The following LRRTM4 variants were observed in gnomAD, a reference collection of about 807,000 sequenced individuals.
LRRTM4 encodes leucine rich repeat transmembrane neuronal 4.
A neutral mutation model predicts 47.6 loss-of-function variants in LRRTM4; 25 were observed. The ratio of observed to expected loss-of-function variants is 0.53; its 90% CI spans 0.38 to 0.73. The LOEUF (loss-of-function observed/expected upper bound fraction) is 0.73, where lower values mean the gene tolerates loss of function less well. Among genes scored for constraint, LRRTM4 ranks in the 30% least tolerant of loss-of-function variants. The pLI is 0.00. For synonymous variants in LRRTM4, 311 were observed against 269.5 expected (o/e 1.15, Z -1.51); for missense variants, 638 against 713.4 (o/e 0.89, Z 1.20).
chr2:76,904,745 A>C (rs1415450581), intron 3 of LRRTM4, among the ~76,000 whole-genome samples: 1 of 152,222 alleles, frequency 6.6e-6, no homozygotes, highest in East Asian at 1.9e-4. Context: ...TTTGTATGCC[A>C]GAGCAACATC....
intron 3 of LRRTM4, among the ~76,000 whole-genome samples, chr2:76,952,518 T>C (rs963819472): frequency 8.5e-5 from 13 of 152,052 alleles, no homozygotes; most frequent in African/African-American, 2.9e-4. Context: ...AGAATGGCTA[T>C]TAATAAAACG....
chr2:77,051,960 A>AT (rs1230382287), intron 3 of LRRTM4, among the ~76,000 whole-genome samples: 1 of 152,032 alleles, frequency 6.6e-6, no homozygotes, highest in African/African-American at 2.4e-5. Context: ...TTTCATTTCC[A>AT]TTTTATCCTT....
At chr2:77,147,988 C>A (rs750243951) in intron 3 of LRRTM4, among the ~76,000 whole-genome samples, 1 of 152,002 alleles carries the variant, frequency 6.6e-6, no homozygotes, top group Non-Finnish European at 1.5e-5. Flanking sequence ...ATTTACTATC[C>A]ATAATGGAAA....
At chr2:76,812,774 C>CCTTCTCCTCCTCCTCTCCCTT (rs1670779232) in intron 3 of LRRTM4, among the ~76,000 whole-genome samples, 1 of 86,660 alleles carries the variant, frequency 1.2e-5, no homozygotes, top group African/African-American at 6.8e-5. Context: ...TCCTCTCCCT[C>CCTTCTCCTCCTCCTCTCCCTT]CCCCTCCTCC....
chr2:77,010,501 T>TAC (rs34456976), intron 3 of LRRTM4, among the ~76,000 whole-genome samples: 9,580 of 139,602 alleles, frequency 0.069, 365 homozygotes, highest in Non-Finnish European at 0.082. Flanking sequence ...TTGTATTGTT[T>TAC]ACACACACAC....
At chr2:76,826,462 G>C (rs1187923830) in intron 3 of LRRTM4, among the ~76,000 whole-genome samples, 3 of 151,468 alleles carry the variant, frequency 2.0e-5, no homozygotes, top group African/African-American at 7.3e-5. Flanking sequence ...CAACACTGAG[G>C]TACTCCCTAA....
chr2:77,290,043 A>C (rs966146836), intron 3 of LRRTM4, among the ~76,000 whole-genome samples: 3 of 151,974 alleles, frequency 2.0e-5, no homozygotes, highest in Non-Finnish European at 4.4e-5. Context: ...TTTATAAGCA[A>C]TCAAATATTT....
chr2:76,991,159 A>C (rs1033890276), intron 3 of LRRTM4, among the ~76,000 whole-genome samples: 1 of 151,776 alleles, frequency 6.6e-6, no homozygotes, highest in East Asian at 1.9e-4. Context: ...TTAAGAGCAA[A>C]ATTTTTAGTC....
intron 3 of LRRTM4, among the ~76,000 whole-genome samples, chr2:76,958,538 C>T (rs76906062): frequency 0.037 from 5,668 of 151,740 alleles, 237 homozygotes; most frequent in East Asian, 0.14. Context: ...AAAAAGTAAA[C>T]AGCATCCATT....
At chr2:77,007,573 G>A (rs1378821103) in intron 3 of LRRTM4, among the ~76,000 whole-genome samples, 1 of 152,116 alleles carries the variant, frequency 6.6e-6, no homozygotes, top group Non-Finnish European at 1.5e-5. Context: ...CTGCCATAGT[G>A]CTTTTGCTGT....
At chr2:77,163,344 C>T (rs180811605) in intron 3 of LRRTM4, among the ~76,000 whole-genome samples, 26 of 152,264 alleles carry the variant, frequency 1.7e-4, no homozygotes, top group East Asian at 1.5e-3. Flanking sequence ...AACAAATCTA[C>T]GTCTGATTGG....
At chr2:77,209,331 T>A (rs1674228035) in intron 3 of LRRTM4, among the ~76,000 whole-genome samples, 1 of 151,964 alleles carries the variant, frequency 6.6e-6, no homozygotes, top group Non-Finnish European at 1.5e-5. Flanking sequence ...TGGGGAAAGT[T>A]ACAAAGGTGA....
In LRRTM4 at chr2:77,226,124, T is replaced by C. The variant is rs537112191; in HGVS notation, c.1551+292194A>G. ...ATGGATAATATGTTTATGTGTTATG[T>C]ATAATTTAGAAAACCCTAAAAATCA... On this transcript the variant is annotated intron_variant, in intron 3 of 3. Transcript: ENST00000409884. Among the ~76,000 whole-genome samples the C allele has an allele frequency of 1.7e-3, 257 of 151,930 alleles. 1 individual carries two copies. The highest frequency in any genetic ancestry group is 6.0e-3 in the African/African-American group (248 of 41,548).
In LRRTM4 at chr2:77,043,911, AT is replaced by A. The variant is rs200387608; in HGVS notation, c.1552-294996del. ...TTGCAGCCCATAAACAGGTAAAAAC[AT>A]TTTTTTTTTTACCCACATACTAGAA... On this transcript the variant is annotated intron_variant, in intron 3 of 3. Coordinates refer to ENST00000409884, the MANE Select transcript of LRRTM4 (RefSeq NM_001134745.3). Among the ~76,000 whole-genome samples, 161 of 147,556 alleles carry A rather than the reference AT, an allele frequency of 1.1e-3. 1 individual carries two copies. In the East Asian group the frequency reaches 0.016, roughly 15 times the overall value.
chr2:77,110,733 G>A lies in LRRTM4; in HGVS notation c.1552-361817C>T, dbSNP rs372871033. Among the ~76,000 whole-genome samples the A allele has an allele frequency of 3.9e-5, 6 of 152,092 alleles. No homozygotes were observed. In the South Asian group the frequency reaches 1.2e-3, roughly 31 times the overall value. On this transcript the variant is annotated intron_variant, in intron 3 of 3. Coordinates refer to ENST00000409884, the MANE Select transcript of LRRTM4 (RefSeq NM_001134745.3). ...ACTATAAAAATACATCTGTATAAAA[G>A]CATAGATAGGTGTCTAAGGTACATT... is the stretch of plus-strand genomic sequence containing the variant.
intron 3 of LRRTM4, among the ~76,000 whole-genome samples, chr2:77,153,467 G>A (rs1558607581): frequency 6.6e-6 from 1 of 152,040 alleles, no homozygotes; most frequent in African/African-American, 2.4e-5. Context: ...AATAAAGTGA[G>A]TCATTTTCTC....
At position 77,421,776 on chromosome 2, in the gene LRRTM4, A is replaced by C. The variant is rs181545687; in HGVS notation, c.1551+96542T>G. On this transcript the variant is annotated intron_variant, in intron 3 of 3. Coordinates refer to ENST00000409884, the MANE Select transcript of LRRTM4 (RefSeq NM_001134745.3). ...AGTGCACAGAACAACTCCTCATAAC[A>C]AAGAATTATCTAGTCCAAAACCGTC... is the stretch of plus-strand genomic sequence containing the variant. 2.9e-3 allele frequency among the ~76,000 whole-genome samples: 441 copies of C among 152,286 alleles called. 3 individuals are homozygous for C. The highest frequency in any genetic ancestry group is 1.8e-3 in the Non-Finnish European group (123 of 68,026).
At chr2:77,477,907 G>GAA (rs1437414467) in intron 3 of LRRTM4, among the ~76,000 whole-genome samples, 1 of 5,574 alleles carries the variant, frequency 1.8e-4, no homozygotes, top group African/African-American at 6.4e-4. Context: ...GAAAGAAAAA[G>GAA]AAAGAAAGAA....
intron 3 of LRRTM4, among the ~76,000 whole-genome samples, chr2:77,346,826 T>TA (rs1354297466): frequency 2.6e-5 from 4 of 151,424 alleles, no homozygotes; most frequent in African/African-American, 7.3e-5. Flanking sequence ...TAGATTGATT[T>TA]TAAAAAAAAG....
Sources: gnomAD v4.1 joint callset for allele counts (sites outside exome capture counted in the v4.1 genomes callset) on GRCh38, gnomAD v4.1.1 for gene constraint, MANE v1.5 for transcripts, NCBI Gene and HGNC (gene_info 2026-07-23, HGNC 2026-07-21) for gene names.